Variants in TRPM4 observed in about 807,000 individuals in gnomAD.
TRPM4 encodes calcium-activated non-selective cation channel 1.
Under a neutral mutation model 135.6 loss-of-function variants are expected in TRPM4, and 124 were observed. The ratio of observed to expected loss-of-function variants is 0.91; its 90% CI spans 0.79 to 1.06. TRPM4 has a LOEUF of 1.06. TRPM4 is among the 50% of genes least tolerant of loss of function. The probability of loss-of-function intolerance (pLI) is 0.00; values close to 1 mark genes in which losing one functional copy is unlikely to be tolerated. For synonymous variants in TRPM4, 745 were observed against 705.6 expected (o/e 1.06, Z -0.88); for missense variants, 1,658 against 1,671.4 (o/e 0.99, Z 0.14).
intron 20 of TRPM4, among the ~76,000 whole-genome samples, chr19:49,205,432 A>G (rs1162019452): frequency 2.0e-5 from 3 of 151,934 alleles, no homozygotes. Context: ...ACTTGATCAC[A>G]TGTGTAAACT....
intron 20 of TRPM4, among the ~76,000 whole-genome samples, chr19:49,206,601 G>A (rs1168833916): frequency 7.3e-5 from 11 of 151,624 alleles, no homozygotes; most frequent in Admixed American, 2.6e-4. Flanking sequence ...CACCACGCCC[G>A]GCTAATTTTG....
At position 49,211,202 on chromosome 19, in the gene TRPM4, G is replaced by C. The variant is rs577419918; in HGVS notation, c.3573G>C (p.Glu1191Asp). 6.2e-7 allele frequency: 1 copy of C among 1,602,168 alleles called. No homozygotes were observed. The highest frequency in any genetic ancestry group is 2.3e-5 in the East Asian group (1 of 44,372). ...QCSRVLGWVAEALSRSALLPP... is the reference protein window; with the variant it reads ...QCSRVLGWVADALSRSALLPP... ...GCCGCGTCCTGGGGTGGGTGGCCGA[G>C]GCCCTGAGCCGCTCTGCCTTGCTGC... The change falls in exon 24 of 25, where the codon GAG (glutamate) becomes GAC (aspartate). Residue 1191 changes from glutamate to aspartate, a missense_variant. Glu to Asp is a conservative substitution (Grantham distance 45, BLOSUM62 2). Around this residue, in one of 3 missense-constraint regions of TRPM4, gnomAD observed 1,412 missense variants for 1,408.7 expected, o/e 1.00. Transcript: ENST00000252826. This position sits in a 1 kb window ranked among gnomAD's most constrained non-coding sequence, Gnocchi z 4.8.
intron 1 of TRPM4, 60 bp from the exon 2 acceptor site, chr19:49,158,132 A>G: frequency 1.3e-6 from 2 of 1,525,092 alleles, no homozygotes; most frequent in Middle Eastern, 1.7e-4. Flanking sequence ...TGTGTCCCAT[A>G]GGACAGAACT....
chr19:49,182,839 A>T lies in TRPM4; in HGVS notation c.1525A>T (p.Met509Leu). The T allele has an allele frequency of 6.2e-7, 1 of 1,612,842 alleles. No individual in the cohort carries two copies. Among genetic ancestry groups the T allele is most frequent in the East Asian group, 2.2e-5 (1 of 44,834 alleles). Residue 509 changes from methionine (M) to leucine (L), a missense_variant, in exon 11 of 25, where the codon ATG becomes TTG. By Grantham distance (15) the Met-to-Leu change is conservative. Coordinates refer to ENST00000252826, the MANE Select transcript of TRPM4 (RefSeq NM_017636.4). ...RPPDVGHVLR[M>L]LLGKMCAPRY... The stretch of plus-strand genomic sequence containing the variant: ...CCCTGACGTGGGGCATGTGCTGAGG[A>T]TGCTGCTGGGGAAGATGTGCGCGCC...
Position 49,196,802 on chromosome 19 carries a change from T to G in TRPM4, c.2573T>G (p.Leu858Arg), listed in dbSNP as rs759360663. ...GCCTCACTGAGCCAGCGCCTGCGCC[T>G]CTACCTCGCCGACAGCTGGAACCAG... is the stretch of plus-strand genomic sequence containing the variant. ...GHASLSQRLR[L>R]YLADSWNQCD... The change falls in exon 17 of 25, where the codon CTC (leucine) becomes CGC (arginine). Residue 858 changes from leucine (L) to arginine (R), a missense_variant. Physicochemically the swap from Leu to Arg is moderately radical, Grantham distance 102 (BLOSUM62 -2). This residue lies in a region of TRPM4 where 1,412 missense variants were observed against 1,408.7 expected (regional missense o/e 1.00). Transcript: ENST00000252826. 1.9e-6 allele frequency: 3 copies of G among 1,584,870 alleles called. No homozygotes were observed. Among genetic ancestry groups the G allele is most frequent in the Non-Finnish European group, 2.6e-6 (3 of 1,173,122 alleles).
At chr19:49,170,170 A>G (rs1157550932) in intron 6 of TRPM4, among the ~76,000 whole-genome samples, 1 of 152,118 alleles carries the variant, frequency 6.6e-6, no homozygotes, top group Non-Finnish European at 1.5e-5. Context: ...TGTTAGTGGT[A>G]ATGTGGTCTA....
intron 10 of TRPM4, among the ~76,000 whole-genome samples, chr19:49,182,094 G>GTCCA (rs879818462): frequency 0.059 from 3,324 of 56,000 alleles, 151 homozygotes; most frequent in African/African-American, 0.19. Flanking sequence ...CCATCCATCT[G>GTCCA]TCCATCCATC....
At chr19:49,182,196 C>CCACCTATCCATTCATCCATACATA (rs1967976048) in intron 10 of TRPM4, among the ~76,000 whole-genome samples, 2 of 149,292 alleles carry the variant, frequency 1.3e-5, no homozygotes, top group Admixed American at 6.6e-5. Flanking sequence ...ATCCATACAT[C>CCACCTATCCATTCATCCATACATA]CATCCATCTA....
Position 49,200,345 on chromosome 19 carries a change from C to G in TRPM4, c.2691C>G (p.Ile897Met), listed in dbSNP as rs1383570328. The change falls in exon 18 of 25, where the codon ATC becomes ATG. Residue 897 changes from isoleucine to methionine, a missense_variant. Physicochemically the swap from Ile to Met is conservative, Grantham distance 10. This residue lies in a region of TRPM4 where 1,412 missense variants were observed against 1,408.7 expected (regional missense o/e 1.00). Transcript: ENST00000252826. ...ACCTGGGCCGCACTGTCCTCTGCAT[C>G]GACTTCATGGTTTTCACGGTGCGGC... ...LYHLGRTVLC[I>M]DFMVFTVRLL... 1 of 1,614,104 alleles carries G rather than the reference C, an allele frequency of 6.2e-7. No individual in the cohort carries two copies. Among genetic ancestry groups the G allele is most frequent in the Non-Finnish European group, 8.5e-7 (1 of 1,180,036 alleles).
At chr19:49,180,893 C>T (rs569954307) in intron 9 of TRPM4, among the ~76,000 whole-genome samples, 3 of 152,060 alleles carry the variant, frequency 2.0e-5, no homozygotes, top group Admixed American at 2.0e-4. Flanking sequence ...ATTTATCCAT[C>T]CCATCCATCC....
At position 49,175,302 on chromosome 19, in the gene TRPM4, C is replaced by T. The variant is rs1967641998; in HGVS notation, c.1150+3194C>T. On this transcript the variant is annotated intron_variant, in intron 9 of 24. Coordinates refer to ENST00000252826, the MANE Select transcript of TRPM4 (RefSeq NM_017636.4). ...ATTGGTCAGGCTGGTCTCGAACTCC[C>T]GACCTCGGGTGATCCGCCCGCCTCG... 7.2e-5 allele frequency among the ~76,000 whole-genome samples: 11 copies of T among 151,804 alleles called. No homozygotes were observed. The South Asian group carries it at 1.5e-3, about 20-fold the overall frequency.
chr19:49,161,208 C>A (rs538624572), intron 2 of TRPM4, among the ~76,000 whole-genome samples: 7 of 151,720 alleles, frequency 4.6e-5, no homozygotes, highest in African/African-American at 1.7e-4. Flanking sequence ...GGGAAAACAA[C>A]GTGTAAAGTC....
At chr19:49,164,295 CT>C (rs1344461261) in intron 2 of TRPM4, among the ~76,000 whole-genome samples, 3 of 68,162 alleles carry the variant, frequency 4.4e-5, no homozygotes, top group Non-Finnish European at 1.0e-4. Context: ...CCCTCCCTCC[CT>C]TCCTTCCTTC....
At chr19:49,166,335 C>T (rs1194227773) in intron 3 of TRPM4, 120 bp downstream of exon 3, 3 of 1,066,138 alleles carry the variant, frequency 2.8e-6, no homozygotes, top group South Asian at 1.6e-5. Flanking sequence ...TGTCTTGGCT[C>T]TCTTTGTCCC....
Position 49,197,302 on chromosome 19 carries a change from CTTTCTT to C in TRPM4, c.2645+436_2645+441del, listed in dbSNP as rs754313303. On this transcript the variant is annotated intron_variant, in intron 17 of 24. Transcript: ENST00000252826. The stretch of plus-strand genomic sequence containing the variant: ...TTTTTTTCTTTCTTTCTTTCTCTTT[CTTTCTT>C]TTTCTTTCTTTCTTTCTTTCTTTCT... 1.5e-3 allele frequency among the ~76,000 whole-genome samples: 182 copies of C among 122,854 alleles called. 1 individual carries two copies. Among genetic ancestry groups the C allele is most frequent in the Non-Finnish European group, 1.9e-3 (117 of 61,472 alleles). 80.6% of individuals were successfully genotyped at this position (122,854 alleles called of 152,430 possible).
chr19:49,188,845 A>G, intron 13 of TRPM4, 75 bp downstream of exon 13: 2 of 1,612,834 alleles, frequency 1.2e-6, no homozygotes, highest in Non-Finnish European at 1.7e-6. Flanking sequence ...CGCACTCCTC[A>G]CATATCCCTG....
chr19:49,197,964 C>T (rs1242596011), intron 17 of TRPM4, among the ~76,000 whole-genome samples: 1 of 151,912 alleles, frequency 6.6e-6, no homozygotes, highest in African/African-American at 2.4e-5. Flanking sequence ...GCTGAGATTA[C>T]AGATGTGGGT....
At chr19:49,167,010 G>A (rs371581808) in intron 3 of TRPM4, among the ~76,000 whole-genome samples, 4 of 150,164 alleles carry the variant, frequency 2.7e-5, no homozygotes, top group African/African-American at 4.9e-5. Context: ...CTGTTTCTCC[G>A]GGTCTCTGTC....
intron 9 of TRPM4, among the ~76,000 whole-genome samples, chr19:49,178,133 C>A (rs961506487): frequency 3.3e-5 from 5 of 152,088 alleles, no homozygotes; most frequent in Non-Finnish European, 7.4e-5. Context: ...GAGTTTGAGA[C>A]CAGCCTGGGC....
Sources: gnomAD v4.1 joint callset for allele counts (sites outside exome capture counted in the v4.1 genomes callset) on GRCh38, gnomAD v4.1.1 for gene constraint, gnomAD v4.1.1 regional missense constraint, Gnocchi (gnomAD v3.1) non-coding constraint, MANE v1.5 for transcripts, NCBI Gene and HGNC (gene_info 2026-07-23, HGNC 2026-07-21) for gene names.